Variants in CXADR observed in about 807,000 individuals in gnomAD.
The protein encoded by CXADR is CXADR cell adhesion molecule.
Under a neutral mutation model 40.3 loss-of-function variants are expected in CXADR, and 20 were observed. The observed-to-expected ratio is 0.50, with a 90% CI of 0.35 to 0.72. The LOEUF (loss-of-function observed/expected upper bound fraction) is 0.72. Ranked by LOEUF, CXADR falls within the 30% of genes least tolerant of loss-of-function variation. CXADR has a pLI of 0.01. For synonymous variants in CXADR, 150 were observed against 161.3 expected, an observed-to-expected ratio of 0.93 and a Z score of 0.53; for missense variants, 332 against 449.1, an observed-to-expected ratio of 0.74 and a Z score of 2.36.
intron 1 of CXADR, among the ~76,000 whole-genome samples, chr21:17,530,114 A>ATTTTTTTTTTTTTTTTTTTTTTTTT (rs56341807): frequency 1.1e-5 from 1 of 94,978 alleles, no homozygotes; most frequent in Non-Finnish European, 1.9e-5. Context: ...ATGCCAGGCT[A>ATTTTTTTTTTTTTTTTTTTTTTTTT]TTTTTTTTTT....
At chr21:17,527,593 G>A (rs1332530117) in intron 1 of CXADR, among the ~76,000 whole-genome samples, 1 of 152,032 alleles carries the variant, frequency 6.6e-6, no homozygotes, top group Admixed American at 6.6e-5. Context: ...ACAATTATTC[G>A]TGCAGCTATG....
chr21:17,531,761 A>T (rs1051857420), intron 1 of CXADR, among the ~76,000 whole-genome samples: 2 of 151,464 alleles, frequency 1.3e-5, no homozygotes, highest in African/African-American at 4.9e-5. Context: ...GCCAATGTTT[A>T]CATCTTTCCT....
intron 1 of CXADR, among the ~76,000 whole-genome samples, chr21:17,542,736 G>T (rs1307245111): frequency 2.0e-5 from 3 of 152,216 alleles, no homozygotes; most frequent in Non-Finnish European, 4.4e-5. Flanking sequence ...GAATAAAATT[G>T]TAAGAAGATC....
At chr21:17,614,303 CA>C in the CXADR span, among the ~76,000 whole-genome samples, 1 of 152,136 alleles carries the variant, frequency 6.6e-6, no homozygotes, top group Admixed American at 6.5e-5. Context: ...CCACATTACT[CA>C]AAATTTGTCC....
chr21:17,552,578 C>G (rs1170368234), intron 3 of CXADR, among the ~76,000 whole-genome samples: 1 of 151,894 alleles, frequency 6.6e-6, no homozygotes, highest in Non-Finnish European at 1.5e-5. Flanking sequence ...CACTCTTAAT[C>G]CCTTCAAATT....
intron 7 of CXADR, among the ~76,000 whole-genome samples, chr21:17,585,890 A>G (rs1250618270): frequency 6.6e-6 from 1 of 152,232 alleles, no homozygotes; most frequent in Non-Finnish European, 1.5e-5. Flanking sequence ...AATGTTTTGT[A>G]TAATAACTAT....
chr21:17,609,548 TAAAA>T, the CXADR span, among the ~76,000 whole-genome samples: 71 of 152,282 alleles, frequency 4.7e-4, no homozygotes, highest in African/African-American at 1.3e-3. Flanking sequence ...CTTTAAAACA[TAAAA>T]AAAGTCTACT....
intron 1 of CXADR, among the ~76,000 whole-genome samples, chr21:17,513,645 G>C (rs1031239633): frequency 6.6e-6 from 1 of 152,216 alleles, no homozygotes. Flanking sequence ...ATTATTCAAT[G>C]GACATGGAGC....
At chr21:17,572,414 T>C (rs1569147283), downstream of CXADR, among the ~76,000 whole-genome samples, 2 of 151,566 alleles carry the variant, frequency 1.3e-5, no homozygotes, top group African/African-American at 2.4e-5. Context: ...AGGATGAGTA[T>C]GTGCAGTGAG....
At chr21:17,547,346 G>T (rs1297275689) in intron 2 of CXADR, among the ~76,000 whole-genome samples, 153 bp downstream of exon 2, 1 of 152,200 alleles carries the variant, frequency 6.6e-6, no homozygotes, top group Non-Finnish European at 1.5e-5. Flanking sequence ...GAAGGCAATT[G>T]CTCTGGTGGA....
rs987476827 is a variant in CXADR at position 17,568,347 on chromosome 21, C to G, written c.*2655C>G. ...GTTTCACCGTGTTAGCCAGGATGGT[C>G]TCGATCTCCTGACCTCGTGATCTGC... On this transcript the variant is annotated 3_prime_UTR_variant, in exon 7 of 7. Coordinates refer to ENST00000284878, the MANE Select transcript of CXADR (RefSeq NM_001338.5). 30 of 859,228 alleles carry G rather than the reference C, an allele frequency of 3.5e-5. No homozygotes were observed. Among genetic ancestry groups the G allele is most frequent in the Middle Eastern group, 5.8e-4 (1 of 1,714 alleles). The allele number at this position is 859,228 out of a possible 1,614,324, so 53.2% of individuals were successfully genotyped here. A position where few individuals can be genotyped will look rare whatever the true frequency, so the allele number is the denominator to read the frequency against.
intron 7 of CXADR, among the ~76,000 whole-genome samples, chr21:17,577,708 CCTTT>C (rs1030959125): frequency 5.7e-5 from 8 of 140,564 alleles, no homozygotes; most frequent in African/African-American, 1.9e-4. Context: ...GAACTTCTGG[CCTTT>C]CTTTTTTAAC....
chr21:17,522,505 A>T (rs1261943430), intron 1 of CXADR, among the ~76,000 whole-genome samples: 1 of 152,122 alleles, frequency 6.6e-6, no homozygotes, highest in African/African-American at 2.4e-5. Context: ...TACTGACTGC[A>T]TTATTTTCTT....
the CXADR span, among the ~76,000 whole-genome samples, chr21:17,621,605 C>T: frequency 2.9e-4 from 44 of 152,140 alleles, 1 homozygote; most frequent in Non-Finnish European, 8.8e-5. Context: ...GCCATGAGGG[C>T]TCCTCTCTCA....
At chr21:17,555,905 ACAT>A (rs1274176037) in intron 3 of CXADR, among the ~76,000 whole-genome samples, 4 of 152,208 alleles carry the variant, frequency 2.6e-5, no homozygotes, top group Admixed American at 1.3e-4. Context: ...TGGAAGGATG[ACAT>A]CATGATAAAA....
At chr21:17,616,020 GCAGGTGGA>G in the CXADR span, among the ~76,000 whole-genome samples, 1 of 152,178 alleles carries the variant, frequency 6.6e-6, no homozygotes, top group South Asian at 2.1e-4. Context: ...GGAGGCTGAG[GCAGGTGGA>G]TCACCTGAGG....
chr21:17,560,411 T>C (rs1194050460), intron 4 of CXADR, among the ~76,000 whole-genome samples: 4 of 152,204 alleles, frequency 2.6e-5, no homozygotes, highest in East Asian at 1.9e-4. Context: ...TATAGTCTTA[T>C]GTGCCCCAAG....
chr21:17,605,073 C>T, the CXADR span: 1 of 1,484,102 alleles, frequency 6.7e-7, no homozygotes, highest in South Asian at 1.3e-5. Context: ...TTCATACTTG[C>T]CAAGGTGAGT....
At chr21:17,554,773 G>A (rs559923050) in intron 3 of CXADR, among the ~76,000 whole-genome samples, 1 of 152,310 alleles carries the variant, frequency 6.6e-6, no homozygotes, top group Admixed American at 6.5e-5. Context: ...AAGATGAAGT[G>A]CCCTCTAGTG....
Sources: allele counts gnomAD v4.1 joint callset (sites outside exome capture counted in the v4.1 genomes callset), GRCh38; gene constraint gnomAD v4.1.1; transcripts MANE v1.5; gene names NCBI Gene and HGNC (gene_info 2026-07-23, HGNC 2026-07-21).